The following SLC44A1 variants were observed in gnomAD, a reference collection of about 807,000 sequenced individuals.
SLC44A1 encodes the protein choline transporter-like protein 1.
Under a neutral mutation model 79.3 loss-of-function variants are expected in SLC44A1, and 26 were observed. The observed-to-expected ratio is 0.33, with a 90% CI of 0.24 to 0.46. The LOEUF is 0.46. Among genes scored for constraint, SLC44A1 ranks in the 20% least tolerant of loss-of-function variants. The pLI is 1.00. For missense variants in SLC44A1, 688 were observed against 798.1 expected, an observed-to-expected ratio of 0.86 and a Z score of 1.66; for synonymous variants, 263 against 286.2, an observed-to-expected ratio of 0.92 and a Z score of 0.82.
intron 5 of SLC44A1, among the ~76,000 whole-genome samples, chr9:105,355,601 T>G (rs1344361886): frequency 6.6e-6 from 1 of 152,226 alleles, no homozygotes; most frequent in Non-Finnish European, 1.5e-5. Flanking sequence ...TTAGTACTCA[T>G]GGTTACTGTT....
At chr9:105,386,293 G>A in intron 15 of SLC44A1, 1 of 949,028 alleles carries the variant, frequency 1.1e-6, no homozygotes, top group Non-Finnish European at 1.3e-6. Context: ...ATCATATATT[G>A]GTCTAATTAC....
chr9:105,293,646 T>C (rs1034689198), intron 1 of SLC44A1, among the ~76,000 whole-genome samples: 2 of 152,246 alleles, frequency 1.3e-5, no homozygotes, highest in South Asian at 2.1e-4. Context: ...ATATCACTGT[T>C]GATCCCTCCA....
rs1345093080 is a variant in SLC44A1 at position 105,391,969 on chromosome 9, C to G, written c.*2913C>G. The G allele has an allele frequency of 2.2e-5, 22 of 985,128 alleles. No individual in the cohort carries two copies. The highest frequency in any genetic ancestry group is 2.5e-5 in the Non-Finnish European group (21 of 829,876). 61.0% of individuals were successfully genotyped at this position (985,128 alleles called of 1,614,324 possible). A position where few individuals can be genotyped will look rare whatever the true frequency, so the allele number is the denominator to read the frequency against. ...GGTTTTTGCCATCAGATAATTAAGG[C>G]TCTGGTGCATAATTTAGACTTTCTA... is the stretch of plus-strand genomic sequence containing the variant. On this transcript the variant is annotated 3_prime_UTR_variant, in exon 16 of 16. Transcript: ENST00000374720.
At chr9:105,305,842 CCTT>C (rs775575333) in intron 2 of SLC44A1, among the ~76,000 whole-genome samples, 4,821 of 134,282 alleles carry the variant, frequency 0.036, 292 homozygotes, top group African/African-American at 0.13. Context: ...AAAAGTGTGT[CCTT>C]TTTTTTTTTT....
At chr9:105,376,051 C>A (rs942516356) in intron 13 of SLC44A1, among the ~76,000 whole-genome samples, 2 of 152,028 alleles carry the variant, frequency 1.3e-5, no homozygotes, top group African/African-American at 4.8e-5. Flanking sequence ...TGGTAAATAT[C>A]CACCAAATAC....
intron 12 of SLC44A1, among the ~76,000 whole-genome samples, chr9:105,371,151 A>T (rs530714459): frequency 6.6e-6 from 1 of 152,352 alleles, no homozygotes; most frequent in East Asian, 1.9e-4. Context: ...GAAGTTACTA[A>T]AACTTGAAAT....
At chr9:105,322,033 A>G (rs1338759375) in intron 3 of SLC44A1, among the ~76,000 whole-genome samples, 1 of 152,224 alleles carries the variant, frequency 6.6e-6, no homozygotes, top group African/African-American at 2.4e-5. Flanking sequence ...TCTCATTCAC[A>G]AAATAATTTG....
chr9:105,385,610 T>C, intron 15 of SLC44A1, 108 bp downstream of exon 15: 2 of 1,507,394 alleles, frequency 1.3e-6, no homozygotes, highest in Non-Finnish European at 1.8e-6. Context: ...TTGTTATCTG[T>C]ATCACGCAGG....
At chr9:105,359,614 C>G (rs1014651761) in intron 7 of SLC44A1, among the ~76,000 whole-genome samples, 2 of 152,114 alleles carry the variant, frequency 1.3e-5, no homozygotes, top group Non-Finnish European at 2.9e-5. Flanking sequence ...TTGTGAACAG[C>G]TTCCTCCTTG....
intron 15 of SLC44A1, among the ~76,000 whole-genome samples, chr9:105,432,318 G>A (rs28461171): frequency 0.041 from 6,258 of 152,280 alleles, 413 homozygotes; most frequent in African/African-American, 0.14. Context: ...TAATTAGCCA[G>A]TAGGCCAATT....
chr9:105,333,778 C>G (rs977635359), intron 3 of SLC44A1, among the ~76,000 whole-genome samples: 1 of 151,900 alleles, frequency 6.6e-6, no homozygotes, highest in Admixed American at 6.5e-5. Context: ...CCATTGCACT[C>G]CAGCCTGTGC....
chr9:105,429,691 A>G (rs1207123974), intron 15 of SLC44A1, among the ~76,000 whole-genome samples: 2 of 152,174 alleles, frequency 1.3e-5, no homozygotes, highest in Non-Finnish European at 2.9e-5. Flanking sequence ...GCTTACCTCA[A>G]TGAAGTTACA....
In SLC44A1 at chr9:105,427,028, T is replaced by C. The variant is rs1256915896; in HGVS notation, c.1951-11253T>C. ...ATGGCTCCCTCCAACCTCCGCCTCC[T>C]AGGCTCAAGCAGTTCTCCCATCTCA... On this transcript the variant is annotated intron_variant, in intron 15 of 15. Coordinates refer to the SLC44A1 transcript ENST00000374724. Among the ~76,000 whole-genome samples the C allele has an allele frequency of 4.6e-5, 7 of 152,026 alleles. No homozygotes were observed. The East Asian group carries it at 1.4e-3, about 29-fold the overall frequency.
At chr9:105,378,937 C>T (rs9299387) in intron 13 of SLC44A1, among the ~76,000 whole-genome samples, 15,249 of 152,108 alleles carry the variant, frequency 0.1, 1,957 homozygotes, top group African/African-American at 0.3. Context: ...TTATGCTGAG[C>T]GAAAAAATCT....
chr9:105,399,025 G>A (rs915011787), downstream of SLC44A1, among the ~76,000 whole-genome samples: 9 of 152,186 alleles, frequency 5.9e-5, no homozygotes, highest in African/African-American at 1.4e-4. Context: ...GGCTGCATGC[G>A]TCTCGCGGGC....
At chr9:105,352,326 C>A (rs1360515614) in intron 5 of SLC44A1, among the ~76,000 whole-genome samples, 1 of 151,974 alleles carries the variant, frequency 6.6e-6, no homozygotes. Flanking sequence ...AGATGCAGAC[C>A]CCTGCCTTCT....
intron 3 of SLC44A1, among the ~76,000 whole-genome samples, chr9:105,311,343 A>G (rs1008698825): frequency 8.5e-5 from 13 of 152,142 alleles, no homozygotes; most frequent in African/African-American, 2.9e-4. Context: ...AAATATTACA[A>G]TTTAGATAAT....
intron 3 of SLC44A1, among the ~76,000 whole-genome samples, chr9:105,321,464 A>G (rs1445426527): frequency 1.3e-5 from 2 of 149,116 alleles, no homozygotes; most frequent in East Asian, 3.8e-4. Context: ...TTTACCTCAA[A>G]TTAAATAAGC....
chr9:105,272,945 T>C (rs1830109244), intron 1 of SLC44A1, among the ~76,000 whole-genome samples: 2 of 151,156 alleles, frequency 1.3e-5, no homozygotes, highest in South Asian at 4.2e-4. Context: ...ATAATTTCAG[T>C]ACGTTTAATT....
Sources: allele counts gnomAD v4.1 joint callset (sites outside exome capture counted in the v4.1 genomes callset), GRCh38; gene constraint gnomAD v4.1.1; transcripts MANE v1.5; gene names NCBI Gene and HGNC (gene_info 2026-07-23, HGNC 2026-07-21).